XKR9: variants seen among roughly 807,000 people sequenced by gnomAD.
XKR9 encodes the protein XK related 9, also known as XK-related protein 9.
A neutral mutation model predicts 32.0 loss-of-function variants in XKR9; 32 were observed. The ratio of observed to expected loss-of-function variants is 1.00; its 90% confidence interval spans 0.76 to 1.34. The LOEUF is 1.34. Among genes scored for constraint, XKR9 ranks in the 40% most tolerant of loss-of-function variants. The probability of loss-of-function intolerance (pLI) is 0.00; values close to 1 mark genes in which losing one functional copy is unlikely to be tolerated. For synonymous variants in XKR9, 168 were observed against 143.4 expected (o/e 1.17, Z -1.22); for missense variants, 546 against 429.7 (o/e 1.27, Z -2.39).
In XKR9 at chr8:70,733,831, T is replaced by C; in HGVS notation, c.529T>C (p.Trp177Arg). 1.3e-6 allele frequency: 2 copies of C among 1,593,068 alleles called. No homozygotes were observed. Among genetic ancestry groups the C allele is most frequent in the South Asian group, 2.3e-5 (2 of 85,766 alleles). Reference sequence around the variant, plus strand: ...CATGGTCTCTTGCTGTGCTATTTCTTGGTCAACTGTTGATTATCAAGTAGC... The same window carrying C: ...CATGGTCTCTTGCTGTGCTATTTCTCGGTCAACTGTTGATTATCAAGTAGC... ...AIMVSCCAIS[W>R]STVDYQVALR... The change falls in exon 5 of 5, where the codon TGG becomes CGG. Residue 177 changes from tryptophan to arginine, a missense_variant. Physicochemically the swap from Trp to Arg is moderately radical, Grantham distance 101. Transcript: ENST00000408926.
the XKR9 span, among the ~76,000 whole-genome samples, chr8:71,041,381 T>C: frequency 2.0e-5 from 3 of 152,216 alleles, no homozygotes; most frequent in African/African-American, 7.2e-5. Context: ...AAATGCAGGC[T>C]ATGTTTAGAT....
At chr8:70,914,774 C>G in the XKR9 span, among the ~76,000 whole-genome samples, 1 of 152,078 alleles carries the variant, frequency 6.6e-6, no homozygotes, top group Non-Finnish European at 1.5e-5. Flanking sequence ...GCTTTTATAA[C>G]CAGTTTAAAA....
chr8:70,782,609 A>G (rs1258365373), intron 2 of XKR9, among the ~76,000 whole-genome samples: 2 of 152,066 alleles, frequency 1.3e-5, no homozygotes, highest in African/African-American at 2.4e-5. Context: ...TGTAACCACC[A>G]TTCTACTCTT....
At chr8:71,026,125 C>A in the XKR9 span, among the ~76,000 whole-genome samples, 3 of 152,144 alleles carry the variant, frequency 2.0e-5, no homozygotes, top group South Asian at 2.1e-4. Flanking sequence ...TTCTAAGCAC[C>A]AAACCTACTT....
chr8:70,915,387 T>C, the XKR9 span, among the ~76,000 whole-genome samples: 2 of 152,102 alleles, frequency 1.3e-5, no homozygotes, highest in Non-Finnish European at 1.5e-5. Flanking sequence ...ATCATCTTAG[T>C]TTCAAAATTA....
the XKR9 span, among the ~76,000 whole-genome samples, chr8:70,914,885 A>G: frequency 2.7e-4 from 41 of 152,346 alleles, no homozygotes; most frequent in East Asian, 9.6e-4. Context: ...TCAATTCACT[A>G]CAACTGTGAT....
chr8:70,906,829 T>G, the XKR9 span, among the ~76,000 whole-genome samples: 4 of 152,170 alleles, frequency 2.6e-5, no homozygotes, highest in Non-Finnish European at 5.9e-5. Context: ...TAAAAAATTT[T>G]CCAAGATAAT....
chr8:71,046,602 G>C, the XKR9 span, among the ~76,000 whole-genome samples: 1 of 152,194 alleles, frequency 6.6e-6, no homozygotes, highest in African/African-American at 2.4e-5. Flanking sequence ...TGGGTGGCAA[G>C]TAGAGGCAGT....
chr8:70,997,333 G>A, the XKR9 span, among the ~76,000 whole-genome samples: 4 of 151,196 alleles, frequency 2.6e-5, no homozygotes, highest in East Asian at 1.9e-4. Flanking sequence ...AAACCCCCCC[G>A]CACAAGTTTA....
At position 70,735,074 on chromosome 8, in the gene XKR9, T is replaced by C. The variant is rs532020895; in HGVS notation, c.*650T>C. 3.6e-4 allele frequency: 55 copies of C among 152,282 alleles called. No homozygotes were observed. Among genetic ancestry groups the C allele is most frequent in the African/African-American group, 1.3e-3 (55 of 41,572 alleles). The allele number at this position is 152,282 out of a possible 1,614,324, so 9.4% of individuals were successfully genotyped here. On this transcript the variant is annotated 3_prime_UTR_variant, in exon 5 of 5. Transcript: ENST00000408926. ...TTGTGCTAGAATAGTTGTATCTAAA[T>C]CATATTTTAAAATTATTTTTATTTT...
At chr8:70,871,444 G>C in the XKR9 span, among the ~76,000 whole-genome samples, 5 of 152,092 alleles carry the variant, frequency 3.3e-5, no homozygotes, top group Admixed American at 6.6e-5. Flanking sequence ...TTGTGTCTCT[G>C]TGTCACATTT....
chr8:70,974,648 A>C, the XKR9 span, among the ~76,000 whole-genome samples: 47,470 of 152,154 alleles, frequency 0.31, 8,887 homozygotes, highest in Non-Finnish European at 0.43. Context: ...ATTGATGGAC[A>C]TTTGGGTTGG....
At chr8:70,891,196 T>C in the XKR9 span, among the ~76,000 whole-genome samples, 1 of 151,826 alleles carries the variant, frequency 6.6e-6, no homozygotes, top group East Asian at 1.9e-4. Context: ...TTTTGTTATT[T>C]GTCTAGTGAA....
At chr8:70,694,811 G>T (rs1005019248) in intron 3 of XKR9, among the ~76,000 whole-genome samples, 1 of 152,208 alleles carries the variant, frequency 6.6e-6, no homozygotes, top group African/African-American at 2.4e-5. Flanking sequence ...TTTTCTAGGG[G>T]TATGTACAGG....
chr8:70,729,742 A>G (rs1806600409), intron 4 of XKR9, among the ~76,000 whole-genome samples: 1 of 152,216 alleles, frequency 6.6e-6, no homozygotes, highest in African/African-American at 2.4e-5. Context: ...ACTAAGTCAT[A>G]TCAGAATTAT....
At chr8:70,810,189 T>C in the XKR9 span, among the ~76,000 whole-genome samples, 1 of 152,142 alleles carries the variant, frequency 6.6e-6, no homozygotes, top group African/African-American at 2.4e-5. Context: ...CCAGCCAAAC[T>C]AAGCTTCATA....
chr8:70,727,814 GA>G (rs1250221094), intron 4 of XKR9, among the ~76,000 whole-genome samples: 1 of 151,840 alleles, frequency 6.6e-6, no homozygotes, highest in African/African-American at 2.4e-5. Flanking sequence ...TTCTTGTACT[GA>G]ATCAGTTCTT....
At chr8:70,692,237 G>T (rs1805101292) in intron 3 of XKR9, among the ~76,000 whole-genome samples, 3 of 152,022 alleles carry the variant, frequency 2.0e-5, no homozygotes, top group African/African-American at 7.2e-5. Flanking sequence ...TGGTGCACAG[G>T]AATGCTAGTG....
chr8:70,935,208 T>TACACAC, the XKR9 span, among the ~76,000 whole-genome samples: 77,722 of 144,994 alleles, frequency 0.54, 21,567 homozygotes, highest in East Asian at 0.88. Context: ...TATACATATA[T>TACACAC]ACACACACAC....
Sources: allele counts gnomAD v4.1 joint callset (sites outside exome capture counted in the v4.1 genomes callset), GRCh38; gene constraint gnomAD v4.1.1; transcripts MANE v1.5; gene names NCBI Gene and HGNC (gene_info 2026-07-23, HGNC 2026-07-21).